THEM6: variants seen among roughly 807,000 people sequenced by gnomAD.
THEM6 encodes the protein protein THEM6.
THEM6 carries 10 observed loss-of-function variants against 13.7 expected under a neutral mutation model. The observed-to-expected ratio is 0.73, with a 90% CI of 0.45 to 1.24. The LOEUF (loss-of-function observed/expected upper bound fraction) is 1.24, where lower values mean the gene tolerates loss of function less well. THEM6 is among the 50% of genes most tolerant of loss of function. THEM6 has a pLI of 0.00. For synonymous variants in THEM6, 161 were observed against 156.0 expected, an observed-to-expected ratio of 1.03 and a Z score of -0.24; for missense variants, 317 against 312.6, an observed-to-expected ratio of 1.01 and a Z score of -0.11.
chr8:142,727,605 G>C lies in THEM6; in HGVS notation c.259G>C (p.Val87Leu). 1 of 1,509,590 alleles carries C rather than the reference G, an allele frequency of 6.6e-7. No homozygotes were observed. The highest frequency in any genetic ancestry group is 2.7e-5 in the East Asian group (1 of 37,064). The allele number at this position is 1,509,590 out of a possible 1,614,324, so 93.5% of individuals were successfully genotyped here. ...CGTCGCGCACCTGACCCGCTGCGGG[G>C]TGCTCGGGGCGCTGAGGGAGTTGCG... ...ARVAHLTRCG[V>L]LGALRELRAH... Residue 87 changes from valine (V) to leucine (L), a missense_variant, in exon 1 of 2, where the codon GTG (valine) becomes CTG (leucine). Coordinates refer to ENST00000336138, the MANE Select transcript of THEM6 (RefSeq NM_016647.3).
chr8:142,727,293 A>G lies in THEM6; in HGVS notation c.-54A>G. 4 of 1,410,280 alleles carry G rather than the reference A, an allele frequency of 2.8e-6. No homozygotes were observed. Among genetic ancestry groups the G allele is most frequent in the Non-Finnish European group, 3.7e-6 (4 of 1,090,606 alleles). The allele number at this position is 1,410,280 out of a possible 1,614,324, so 87.4% of individuals were successfully genotyped here. ...GCGGGCACCGTAACCAGCGCCGCGG[A>G]CACCGGCACCGGCGCCACGGACTCC... On this transcript the variant is annotated 5_prime_UTR_variant, in exon 1 of 2. Coordinates refer to ENST00000336138, the MANE Select transcript of THEM6 (RefSeq NM_016647.3).
At chr8:142,735,269 G>A (rs895743918) in intron 1 of THEM6, 57 bp from the exon 2 acceptor site, 76 of 1,308,818 alleles carry the variant, frequency 5.8e-5, no homozygotes, top group Non-Finnish European at 7.3e-5. Context: ...TGTGGGCAGC[G>A]GCCCAGAGGT....
intron 1 of THEM6, among the ~76,000 whole-genome samples, chr8:142,732,715 T>TC (rs913528674): frequency 1.3e-5 from 2 of 151,242 alleles, no homozygotes; most frequent in African/African-American, 2.4e-5. Flanking sequence ...CAGTTTCTTT[T>TC]TTTTTTTTTT....
chr8:142,729,718 G>A (rs1815602918), intron 1 of THEM6, among the ~76,000 whole-genome samples: 1 of 152,200 alleles, frequency 6.6e-6, no homozygotes, highest in African/African-American at 2.4e-5. Flanking sequence ...TGGTGATAGA[G>A]AAGGACAGGG....
At chr8:142,728,446 C>CT in intron 1 of THEM6, among the ~76,000 whole-genome samples, 1 of 152,260 alleles carries the variant, frequency 6.6e-6, no homozygotes, top group Non-Finnish European at 1.5e-5. Context: ...AGAACCGCCC[C>CT]TGCAGCATGG....
Position 142,735,800 on chromosome 8 carries a change from G to A in THEM6, c.*361G>A, listed in dbSNP as rs587767538. ...GCCTCCCGAGCCTAGATCCTGGCTCGGACCACTGCAAGGGCCGAGGCAGGG... is the reference window on the plus strand; with the variant it reads ...GCCTCCCGAGCCTAGATCCTGGCTCAGACCACTGCAAGGGCCGAGGCAGGG... On this transcript the variant is annotated 3_prime_UTR_variant, in exon 2 of 2. Coordinates refer to ENST00000336138, the MANE Select transcript of THEM6 (RefSeq NM_016647.3). The A allele has an allele frequency of 5.7e-5, 15 of 262,858 alleles. No homozygotes were observed. The highest frequency in any genetic ancestry group is 3.2e-4 in the Admixed American group (7 of 21,884). The allele number at this position is 262,858 out of a possible 1,614,324, so 16.3% of individuals were successfully genotyped here. A position where few individuals can be genotyped will look rare whatever the true frequency, so the allele number is the denominator to read the frequency against.
chr8:142,734,566 G>A, intron 1 of THEM6: 1 of 152,902 alleles, frequency 6.5e-6, no homozygotes, highest in Non-Finnish European at 1.5e-5. Flanking sequence ...TGGCCAAAGA[G>A]GAAGAGCTGG....
chr8:142,728,592 T>C (rs1232946995), intron 1 of THEM6, among the ~76,000 whole-genome samples: 1 of 152,212 alleles, frequency 6.6e-6, no homozygotes, highest in Non-Finnish European at 1.5e-5. Context: ...CTCTCCGGTC[T>C]CGGACAGGTG....
chr8:142,727,700 G>T lies in THEM6; in HGVS notation c.354G>T (p.Glu118Asp). ...CGCTGCGCCTGCTGGAGCCCTTCGAGGTGCGCACCCGCCTGCTGGGCTGGG... is the reference window on the plus strand; with the variant it reads ...CGCTGCGCCTGCTGGAGCCCTTCGATGTGCGCACCCGCCTGCTGGGCTGGG... ...RRSLRLLEPF[E>D]VRTRLLGWDD... Residue 118 changes from glutamate (E) to aspartate (D), a missense_variant, in exon 1 of 2, where the codon GAG becomes GAT. Coordinates refer to ENST00000336138, the MANE Select transcript of THEM6 (RefSeq NM_016647.3). 1 of 1,433,282 alleles carries T rather than the reference G, an allele frequency of 7.0e-7. No homozygotes were observed. Among genetic ancestry groups the T allele is most frequent in the Admixed American group, 2.9e-5 (1 of 34,092 alleles). The allele number at this position is 1,433,282 out of a possible 1,614,324, so 88.8% of individuals were successfully genotyped here. A position where few individuals can be genotyped will look rare whatever the true frequency, so the allele number is the denominator to read the frequency against.
At chr8:142,735,016 C>A in intron 1 of THEM6, 1 of 354,394 alleles carries the variant, frequency 2.8e-6, no homozygotes. Context: ...GCCCTCCACC[C>A]CTCTGTCCCC....
chr8:142,732,672 GTATGTGAGCATCC>G (rs1255643692), intron 1 of THEM6, among the ~76,000 whole-genome samples: 1 of 150,830 alleles, frequency 6.6e-6, no homozygotes, highest in Non-Finnish European at 1.5e-5. Flanking sequence ...TGCAGCCCTG[GTATGTGAGCATCC>G]TTTACCTTAG....
At chr8:142,732,188 A>C (rs1587583333) in intron 1 of THEM6, among the ~76,000 whole-genome samples, 1 of 90,754 alleles carries the variant, frequency 1.1e-5, no homozygotes, top group African/African-American at 4.5e-5. Context: ...ATATATATAT[A>C]TATATATATA....
rs1815502875 is a variant in THEM6 at position 142,727,224 on chromosome 8, G to A, written c.-123G>A. 9.3e-7 allele frequency: 1 copy of A among 1,070,548 alleles called. No homozygotes were observed. Among genetic ancestry groups the A allele is most frequent in the African/African-American group, 1.7e-5 (1 of 59,386 alleles). 66.3% of individuals were successfully genotyped at this position (1,070,548 alleles called of 1,614,324 possible). A position where few individuals can be genotyped will look rare whatever the true frequency, so the allele number is the denominator to read the frequency against. ...CCCCCTCGGCCGCCCTCGCGCTGTG[G>A]TTCGCTCCGGGCGCGCTGCGCTCGT... is the stretch of plus-strand genomic sequence containing the variant. On this transcript the variant is annotated 5_prime_UTR_variant, in exon 1 of 2. Coordinates refer to ENST00000336138, the MANE Select transcript of THEM6 (RefSeq NM_016647.3).
intron 1 of THEM6, among the ~76,000 whole-genome samples, chr8:142,733,791 G>A (rs1815703245): frequency 1.3e-5 from 2 of 152,192 alleles, no homozygotes; most frequent in Non-Finnish European, 2.9e-5. Flanking sequence ...AGGTGGTCGG[G>A]GCACAGCTTG....
At chr8:142,735,199 G>A (rs587628845) in intron 1 of THEM6, 127 bp from the exon 2 acceptor site, 16 of 701,844 alleles carry the variant, frequency 2.3e-5, no homozygotes, top group African/African-American at 2.1e-4. Flanking sequence ...GGGGAGGCAT[G>A]GGCAAAGCAT....
intron 1 of THEM6, among the ~76,000 whole-genome samples, chr8:142,732,671 G>A (rs980955805): frequency 1.3e-5 from 2 of 151,266 alleles, no homozygotes; most frequent in African/African-American, 4.9e-5. Flanking sequence ...TTGCAGCCCT[G>A]GTATGTGAGC....
At chr8:142,729,540 TA>T (rs1554642759) in intron 1 of THEM6, among the ~76,000 whole-genome samples, 2 of 152,214 alleles carry the variant, frequency 1.3e-5, no homozygotes, top group Non-Finnish European at 2.9e-5. Context: ...GTTTTATTAT[TA>T]GATGTAGAAG....
chr8:142,732,774 C>T (rs1049196488), intron 1 of THEM6, among the ~76,000 whole-genome samples: 4 of 148,320 alleles, frequency 2.7e-5, no homozygotes, highest in African/African-American at 1.0e-4. Context: ...AGGTGGGTCT[C>T]AATTTCTCAT....
rs1554642491 is a variant in THEM6 at position 142,727,632 on chromosome 8, G to T, written c.286G>T (p.Ala96Ser). 2 of 1,491,306 alleles carry T rather than the reference G, an allele frequency of 1.3e-6. No individual in the cohort carries two copies. The highest frequency in any genetic ancestry group is 2.2e-5 in the Admixed American group (1 of 45,390). 92.4% of individuals were successfully genotyped at this position (1,491,306 alleles called of 1,614,324 possible). Reference protein sequence around the residue: ...GVLGALRELRAHTVLAASCAR... With the variant: ...GVLGALRELRSHTVLAASCAR... The stretch of plus-strand genomic sequence containing the variant: ...GCTCGGGGCGCTGAGGGAGTTGCGG[G>T]CGCACACGGTGCTGGCGGCCTCGTG... Residue 96 changes from alanine to serine, a missense_variant, in exon 1 of 2, where the codon GCG (alanine) becomes TCG (serine). Coordinates refer to ENST00000336138, the MANE Select transcript of THEM6 (RefSeq NM_016647.3).
Sources: gnomAD v4.1 joint callset for allele counts (sites outside exome capture counted in the v4.1 genomes callset) on GRCh38, gnomAD v4.1.1 for gene constraint, MANE v1.5 for transcripts, NCBI Gene and HGNC (gene_info 2026-07-23, HGNC 2026-07-21) for gene names.